The following PSEN1 variants were observed in gnomAD, a reference collection of about 807,000 sequenced individuals.
PSEN1 encodes the protein presenilin 1.
Under a neutral mutation model 53.5 loss-of-function variants are expected in PSEN1, and 15 were observed. The observed-to-expected ratio is 0.28, with a 90% CI of 0.19 to 0.43. The LOEUF (loss-of-function observed/expected upper bound fraction) is 0.43. Among genes scored for constraint, PSEN1 ranks in the 20% least tolerant of loss-of-function variants. PSEN1 has a pLI of 1.00. For missense variants in PSEN1, 387 were observed against 571.2 expected, an observed-to-expected ratio of 0.68 and a Z score of 3.29; for synonymous variants, 208 against 209.8, an observed-to-expected ratio of 0.99 and a Z score of 0.08.
chr14:73,138,932 A>C (rs1164930070), intron 1 of PSEN1, among the ~76,000 whole-genome samples: 5 of 148,630 alleles, frequency 3.4e-5, no homozygotes, highest in African/African-American at 1.2e-4. Context: ...GCGCCACTGC[A>C]CTCCAGCCTG....
In PSEN1 at chr14:73,143,268, G is replaced by A. The variant is rs943076426; in HGVS notation, c.-135-4527G>A. Among the ~76,000 whole-genome samples the A allele has an allele frequency of 6.3e-4, 96 of 152,188 alleles. 1 individual carries two copies. The highest frequency in any genetic ancestry group is 7.6e-4 in the Non-Finnish European group (52 of 68,010). The stretch of plus-strand genomic sequence containing the variant: ...CTGTTGCCTGCCTCTGCTTCCTACC[G>A]AGCCCCCTGTAAAGAGCAGCTCTCC... On this transcript the variant is annotated intron_variant, in intron 1 of 11. Coordinates refer to ENST00000324501, the MANE Select transcript of PSEN1 (RefSeq NM_000021.4).
intron 8 of PSEN1, among the ~76,000 whole-genome samples, chr14:73,199,124 C>T (rs1160868003): frequency 6.6e-6 from 1 of 152,164 alleles, no homozygotes; most frequent in East Asian, 1.9e-4. Flanking sequence ...TTCTGTGGCT[C>T]ATATCTAATT....
At chr14:73,151,827 C>A (rs753894928) in intron 3 of PSEN1, among the ~76,000 whole-genome samples, 1 of 148,142 alleles carries the variant, frequency 6.8e-6, no homozygotes, top group Non-Finnish European at 1.5e-5. Context: ...TCTTGGCCTC[C>A]CAAAGTGCTG....
At chr14:73,152,062 C>T (rs148929071) in intron 3 of PSEN1, among the ~76,000 whole-genome samples, 1,878 of 150,728 alleles carry the variant, frequency 0.012, 39 homozygotes, top group African/African-American at 0.043. Flanking sequence ...CAGGCGCCCG[C>T]CACCATGCCT....
chr14:73,214,159 A>C (rs1899814671), intron 10 of PSEN1, among the ~76,000 whole-genome samples: 1 of 152,222 alleles, frequency 6.6e-6, no homozygotes, highest in African/African-American at 2.4e-5. Context: ...AAAAGAAACA[A>C]TCTATCATTA....
rs537497099 is a variant in PSEN1, at chr14:73,189,877, G to A, written c.549-2767G>A. 4.1e-5 allele frequency: 9 copies of A among 218,036 alleles called. No individual in the cohort carries two copies. In the South Asian group the frequency reaches 5.8e-4, roughly 14 times the overall value. The allele number at this position is 218,036 out of a possible 1,614,324, so 13.5% of individuals were successfully genotyped here. On this transcript the variant is annotated intron_variant, in intron 6 of 11. Coordinates refer to ENST00000324501, the MANE Select transcript of PSEN1 (RefSeq NM_000021.4). ...CCAAGAAGCCCTTGACCTTTACCAT[G>A]TGTTGGTCTCCCTTGACCGGGTGGG...
At chr14:73,166,941 CCT>C (rs1897734464) in intron 3 of PSEN1, among the ~76,000 whole-genome samples, 1 of 152,112 alleles carries the variant, frequency 6.6e-6, no homozygotes. Flanking sequence ...TTTTTGTTCC[CCT>C]CTGTCTTAGT....
intron 8 of PSEN1, among the ~76,000 whole-genome samples, chr14:73,203,122 A>G (rs1899298956): frequency 1.3e-5 from 2 of 152,148 alleles, no homozygotes. Flanking sequence ...CTTGTTGCCC[A>G]GGCTGAAGTG....
At chr14:73,176,824 T>C (rs1472511717) in intron 5 of PSEN1, among the ~76,000 whole-genome samples, 1 of 151,968 alleles carries the variant, frequency 6.6e-6, no homozygotes, top group African/African-American at 2.4e-5. Context: ...ACCTAATGGG[T>C]CAGAATGGAC....
chr14:73,157,431 G>A lies in PSEN1; in HGVS notation c.87+9325G>A, dbSNP rs374169411. 3.9e-5 allele frequency among the ~76,000 whole-genome samples: 6 copies of A among 151,964 alleles called. No homozygotes were observed. In the South Asian group the frequency reaches 6.2e-4, roughly 16 times the overall value. Reference sequence around the variant, plus strand: ...TGGGATTACAGGCGTGAGTCACCACGCCCAGCCCAAGAAAGATACATTTTT... The same window carrying A: ...TGGGATTACAGGCGTGAGTCACCACACCCAGCCCAAGAAAGATACATTTTT... On this transcript the variant is annotated intron_variant, in intron 3 of 11. Transcript: ENST00000324501.
In PSEN1 at chr14:73,206,277, A is replaced by G. The variant is rs1005266175; in HGVS notation, c.869-109A>G. 3.7e-5 allele frequency: 29 copies of G among 788,084 alleles called. 2 individuals carry two copies. In the South Asian group the frequency reaches 4.0e-4, roughly 11 times the overall value. 48.8% of individuals were successfully genotyped at this position (788,084 alleles called of 1,614,324 possible). On this transcript the variant is annotated intron_variant, in intron 8 of 11. Transcript: ENST00000324501. Reference sequence around the variant, plus strand: ...TACTTCTGATTGTTGAACAGTCTTAAGGCAGCATTAGGAAGACTGGCGATT... The same window carrying G: ...TACTTCTGATTGTTGAACAGTCTTAGGGCAGCATTAGGAAGACTGGCGATT...
Position 73,196,044 on chromosome 14 carries a change from G to C in PSEN1, c.770-1987G>C, listed in dbSNP as rs933616824. Reference sequence around the variant, plus strand: ...CAAATGAGTATCTCTACAGAGCTTTGAGTTGCTTTTAAACAAAAGAGATTT... The same window carrying C: ...CAAATGAGTATCTCTACAGAGCTTTCAGTTGCTTTTAAACAAAAGAGATTT... On this transcript the variant is annotated intron_variant, in intron 7 of 11. Transcript: ENST00000324501. 3.3e-5 allele frequency among the ~76,000 whole-genome samples: 5 copies of C among 152,228 alleles called. No homozygotes were observed. In the East Asian group the frequency reaches 9.6e-4, roughly 29 times the overall value.
chr14:73,188,373 G>A (rs1898593006), intron 6 of PSEN1, among the ~76,000 whole-genome samples: 1 of 152,150 alleles, frequency 6.6e-6, no homozygotes, highest in East Asian at 1.9e-4. Flanking sequence ...AATAGACGGG[G>A]TCGGGTGTGG....
At chr14:73,202,435 TATATATATATATATATATATATATA>T in intron 8 of PSEN1, among the ~76,000 whole-genome samples, 3 of 13,208 alleles carry the variant, frequency 2.3e-4, no homozygotes, top group African/African-American at 1.1e-3. Context: ...TATATATATA[TATATATATATATATATATATATATA>T]TATTTTTTTT....
intron 8 of PSEN1, among the ~76,000 whole-genome samples, chr14:73,198,948 G>C (rs1418232252): frequency 6.6e-6 from 1 of 151,994 alleles, no homozygotes; most frequent in Non-Finnish European, 1.5e-5. Context: ...TAATTTTTTT[G>C]TGTTGTGTGT....
At chr14:73,190,515 G>A (rs1187239495) in intron 6 of PSEN1, among the ~76,000 whole-genome samples, 1 of 151,360 alleles carries the variant, frequency 6.6e-6, no homozygotes, top group Non-Finnish European at 1.5e-5. Flanking sequence ...ATTAAAATAT[G>A]CTATCATTTG....
In PSEN1 at chr14:73,221,284, G is replaced by T. The variant is rs559637505; in HGVS notation, c.*1995G>T. The stretch of plus-strand genomic sequence containing the variant: ...CATTCCCTCTCTCAGACATGTGCTA[G>T]CATGGGTATTATCATTGAGAAAGCA... On this transcript the variant is annotated 3_prime_UTR_variant, in exon 12 of 12. Coordinates refer to ENST00000324501, the MANE Select transcript of PSEN1 (RefSeq NM_000021.4). 6.6e-6 allele frequency: 1 copy of T among 152,126 alleles called. No individual in the cohort carries two copies. The highest frequency in any genetic ancestry group is 1.5e-5 in the Non-Finnish European group (1 of 68,034). 9.4% of individuals were successfully genotyped at this position (152,126 alleles called of 1,614,324 possible).
Position 73,220,842 on chromosome 14 carries a change from G to C in PSEN1, c.*1553G>C, listed in dbSNP as rs1358243212. 2 of 152,260 alleles carry C rather than the reference G, an allele frequency of 1.3e-5. No homozygotes were observed. The highest frequency in any genetic ancestry group is 4.8e-5 in the African/African-American group (2 of 41,434). 9.4% of individuals were successfully genotyped at this position (152,260 alleles called of 1,614,324 possible). A position where few individuals can be genotyped will look rare whatever the true frequency, so the allele number is the denominator to read the frequency against. On this transcript the variant is annotated 3_prime_UTR_variant, in exon 12 of 12. Transcript: ENST00000324501. ...ACAGCCATCAGCCTGTGTGGGCTCAGGGCACCTCTGGACAAAGGCTTGTGG... is the reference window on the plus strand; with the variant it reads ...ACAGCCATCAGCCTGTGTGGGCTCACGGCACCTCTGGACAAAGGCTTGTGG...
chr14:73,203,848 A>G (rs1899331635), intron 8 of PSEN1, among the ~76,000 whole-genome samples: 2 of 152,124 alleles, frequency 1.3e-5, no homozygotes, highest in Admixed American at 6.5e-5. Context: ...GGGGGCGGGT[A>G]TATTATGTTA....
Sources: allele counts gnomAD v4.1 joint callset (sites outside exome capture counted in the v4.1 genomes callset), GRCh38; gene constraint gnomAD v4.1.1; transcripts MANE v1.5; gene names NCBI Gene and HGNC (gene_info 2026-07-23, HGNC 2026-07-21).